OTOGL: variants seen among roughly 807,000 people sequenced by gnomAD.
OTOGL encodes otogelin like.
In OTOGL, 285 loss-of-function variants were observed where a neutral mutation model predicts 318.5. The ratio of observed to expected loss-of-function variants is 0.89; its 90% CI spans 0.81 to 0.99. The LOEUF (loss-of-function observed/expected upper bound fraction) is 0.99, where lower values mean the gene tolerates loss of function less well. Among genes scored for constraint, OTOGL ranks in the 50% least tolerant of loss-of-function variants. The probability of loss-of-function intolerance (pLI) is 0.00; values close to 1 mark genes in which losing one functional copy is unlikely to be tolerated. For missense variants in OTOGL, 2,899 were observed against 2,845.6 expected (o/e 1.02, Z -0.43); for synonymous variants, 987 against 936.5 (o/e 1.05, Z -0.99).
In OTOGL at chr12:80,368,244, T is replaced by G; in HGVS notation, c.6550T>G (p.Cys2184Gly). 1 of 1,604,640 alleles carries G rather than the reference T, an allele frequency of 6.2e-7. No homozygotes were observed. Among genetic ancestry groups the G allele is most frequent in the Non-Finnish European group, 8.5e-7 (1 of 1,174,662 alleles). Reference sequence around the variant, plus strand: ...TCCATCCCCAAGTGATTATGGTTGTTGTGGTACCTGCAAAAATGTATCCTG... The same window carrying G: ...TCCATCCCCAAGTGATTATGGTTGTGGTGGTACCTGCAAAAATGTATCCTG... ...YTPSPSDYGC[C>G]GTCKNVSCKF... Residue 2184 changes from cysteine to glycine, a missense_variant, in exon 55 of 59, where the codon TGT (cysteine) becomes GGT (glycine). Transcript: ENST00000547103.
At chr12:80,179,845 T>C (rs1874796071) in intron 1 of OTOGL, among the ~76,000 whole-genome samples, 1 of 152,202 alleles carries the variant, frequency 6.6e-6, no homozygotes, top group Non-Finnish European at 1.5e-5. Context: ...CTGCTATCCA[T>C]GAAATATACA....
At chr12:80,120,802 C>T (rs1870443094) in intron 1 of OTOGL, among the ~76,000 whole-genome samples, 1 of 152,044 alleles carries the variant, frequency 6.6e-6, no homozygotes, top group Admixed American at 6.6e-5. Flanking sequence ...GTGACAGAAC[C>T]CAGGGACTAT....
chr12:80,308,058 ACCTC>A (rs1399031488), intron 29 of OTOGL, among the ~76,000 whole-genome samples: 1 of 115,524 alleles, frequency 8.7e-6, no homozygotes, highest in African/African-American at 3.7e-5. Flanking sequence ...TGATCCCCCC[ACCTC>A]CCTCCCGGAC....
chr12:80,370,736 G>A, intron 56 of OTOGL, 47 bp downstream of exon 56: 1 of 1,346,686 alleles, frequency 7.4e-7, no homozygotes, highest in Non-Finnish European at 1.0e-6. Context: ...ATATAATTTA[G>A]AAAATACACA....
intron 29 of OTOGL, among the ~76,000 whole-genome samples, chr12:80,308,690 T>A (rs368948921): frequency 1.3e-5 from 2 of 152,008 alleles, no homozygotes; most frequent in Non-Finnish European, 2.9e-5. Flanking sequence ...GAGCACTGAG[T>A]GAACGAGACT....
Position 80,340,482 on chromosome 12 carries a change from G to T in OTOGL, c.5050+1218G>T, listed in dbSNP as rs373998447. Among the ~76,000 whole-genome samples, 327 of 152,182 alleles carry T rather than the reference G, an allele frequency of 2.1e-3. 1 individual carries two copies. Among genetic ancestry groups the T allele is most frequent in the African/African-American group, 7.6e-3 (314 of 41,518 alleles). On this transcript the variant is annotated intron_variant, in intron 43 of 58. Coordinates refer to ENST00000547103, the MANE Select transcript of OTOGL (RefSeq NM_001378609.3). ...TTTTCTCCTATAACTTATCACTTTT[G>T]AAGGGTATTATTTCAGTTTTATTTT...
At chr12:80,332,353 A>T (rs1888129178) in intron 37 of OTOGL, among the ~76,000 whole-genome samples, 2 of 152,192 alleles carry the variant, frequency 1.3e-5, no homozygotes, top group African/African-American at 4.8e-5. Context: ...GGGCACTGCG[A>T]TTATGGCTGA....
intron 1 of OTOGL, among the ~76,000 whole-genome samples, chr12:80,150,803 C>G (rs934404812): frequency 6.6e-6 from 1 of 152,112 alleles, no homozygotes; most frequent in Non-Finnish European, 1.5e-5. Flanking sequence ...ATTTCTGTAC[C>G]CTACTGTAAG....
chr12:80,348,420 C>T (rs1171332450), intron 44 of OTOGL, among the ~76,000 whole-genome samples: 1 of 152,034 alleles, frequency 6.6e-6, no homozygotes, highest in Non-Finnish European at 1.5e-5. Context: ...TGTGAAAGAT[C>T]AGATAGTTGT....
intron 1 of OTOGL, among the ~76,000 whole-genome samples, chr12:80,119,250 C>T (rs1189309489): frequency 6.6e-6 from 1 of 152,216 alleles, no homozygotes; most frequent in Non-Finnish European, 1.5e-5. Flanking sequence ...GCAAGACTCT[C>T]TCTTGACTAT....
At chr12:80,367,761 T>C in intron 54 of OTOGL, 22 bp downstream of exon 54, 1 of 1,338,684 alleles carries the variant, frequency 7.5e-7, no homozygotes. Context: ...TTGTAATTTA[T>C]TCTGGTGAGA....
chr12:80,142,739 G>C (rs1872037658), intron 1 of OTOGL, among the ~76,000 whole-genome samples: 1 of 152,018 alleles, frequency 6.6e-6, no homozygotes, highest in South Asian at 2.1e-4. Context: ...ATAGTCTTAG[G>C]AAAAGGGATT....
At chr12:80,300,755 C>T (rs1237445496) in intron 27 of OTOGL, among the ~76,000 whole-genome samples, 38 of 152,084 alleles carry the variant, frequency 2.5e-4, no homozygotes, top group Admixed American at 2.4e-3. Context: ...GAGGCCATTA[C>T]GCCAAGATCT....
intron 1 of OTOGL, among the ~76,000 whole-genome samples, chr12:80,111,139 AT>A (rs1415497715): frequency 2.0e-5 from 3 of 151,986 alleles, no homozygotes; most frequent in Non-Finnish European, 2.9e-5. Flanking sequence ...TTCCTTGTGG[AT>A]TCTGGTTATT....
chr12:80,228,512 G>A (rs189260949), intron 7 of OTOGL, among the ~76,000 whole-genome samples: 243 of 151,938 alleles, frequency 1.6e-3, no homozygotes, highest in Non-Finnish European at 2.4e-3. Flanking sequence ...CAAAAAACCC[G>A]TATATTATTG....
chr12:80,194,824 G>T (rs918509244), intron 1 of OTOGL, among the ~76,000 whole-genome samples: 63 of 151,998 alleles, frequency 4.1e-4, no homozygotes, highest in Non-Finnish European at 7.8e-4. Context: ...CAGAAAAGGG[G>T]CAAATAAATA....
chr12:80,336,372 G>C, intron 39 of OTOGL, 41 bp from the exon 40 acceptor site: 1 of 1,521,590 alleles, frequency 6.6e-7, no homozygotes, highest in Non-Finnish European at 8.8e-7. Flanking sequence ...TGAAAATGCA[G>C]ATAGTTAATA....
chr12:80,325,408 C>T (rs1273680663), intron 35 of OTOGL, among the ~76,000 whole-genome samples: 1 of 152,308 alleles, frequency 6.6e-6, no homozygotes, highest in South Asian at 2.1e-4. Flanking sequence ...TTACAATAAA[C>T]ATGAACTGTG....
intron 1 of OTOGL, among the ~76,000 whole-genome samples, chr12:80,122,049 G>A (rs1184789485): frequency 6.6e-6 from 1 of 151,974 alleles, no homozygotes; most frequent in Non-Finnish European, 1.5e-5. Flanking sequence ...TCCATCTGAG[G>A]CTCAAACTGT....
Sources: gnomAD v4.1 joint callset for allele counts (sites outside exome capture counted in the v4.1 genomes callset) on GRCh38, gnomAD v4.1.1 for gene constraint, MANE v1.5 for transcripts, NCBI Gene and HGNC (gene_info 2026-07-23, HGNC 2026-07-21) for gene names.